MAN1B1: variants seen among roughly 807,000 people sequenced by gnomAD.
MAN1B1 encodes endoplasmic reticulum mannosyl-oligosaccharide 1,2-alpha-mannosidase.
Under a neutral mutation model 75.5 loss-of-function variants are expected in MAN1B1, and 66 were observed. The observed-to-expected ratio is 0.87, with a 90% confidence interval of 0.72 to 1.07. The LOEUF is 1.07. MAN1B1 is among the 50% of genes least tolerant of loss of function. The pLI is 0.00. For missense variants in MAN1B1, 973 were observed against 912.5 expected, an observed-to-expected ratio of 1.07 and a Z score of -0.85; for synonymous variants, 453 against 382.8, an observed-to-expected ratio of 1.18 and a Z score of -2.14.
At chr9:137,094,011 C>G (rs1830589535) in intron 3 of MAN1B1, among the ~76,000 whole-genome samples, 1 of 148,622 alleles carries the variant, frequency 6.7e-6, no homozygotes, top group Non-Finnish European at 1.5e-5. Context: ...TCATTGAACC[C>G]ATGGTGATTT....
chr9:137,088,745 T>G, intron 2 of MAN1B1, 124 bp from the exon 3 acceptor site: 1 of 1,043,066 alleles, frequency 9.6e-7, no homozygotes, highest in Non-Finnish European at 1.5e-6. Flanking sequence ...TTCATTTCAG[T>G]GACTATCAGG....
chr9:137,103,435 T>C (rs1588632583), intron 8 of MAN1B1: 2 of 424,214 alleles, frequency 4.7e-6, no homozygotes, highest in East Asian at 8.0e-5. Context: ...GGTGCAGGCA[T>C]GCAGGTCGGT....
chr9:137,099,770 T>C lies in MAN1B1; in HGVS notation c.805T>C (p.Trp269Arg), dbSNP rs757919672. 4.3e-6 allele frequency: 7 copies of C among 1,614,228 alleles called. No individual in the cohort carries two copies. The highest frequency in any genetic ancestry group is 5.9e-6 in the Non-Finnish European group (7 of 1,180,050). Residue 269 changes from tryptophan (W) to arginine (R), a missense_variant, in exon 6 of 13, where the codon TGG becomes CGG. Transcript: ENST00000371589. ...ATGGAAAGGATACCGCAAGTTTGCA[T>C]GGGGCCATGACGAGCTGAAGCCTGT... ...HAWKGYRKFA[W>R]GHDELKPVSR...
chr9:137,106,949 C>G, intron 10 of MAN1B1, 140 bp downstream of exon 10: 1 of 1,254,654 alleles, frequency 8.0e-7, no homozygotes, highest in South Asian at 1.5e-5. Context: ...GCTGCCTGGC[C>G]AGGCCTGTCT....
rs201251992 is a variant in MAN1B1, at chr9:137,108,484, C to T, written c.1993C>T (p.Leu665Phe). ...GGAGAGCTTCTTCCTGGGGGAGACG[C>T]TCAAGTATCTGTTCTTGCTCTTCTC... ...KMESFFLGET[L>F]KYLFLLFSDD... is the part of the protein sequence containing the mutation. The change falls in exon 13 of 13, where the codon CTC becomes TTC. Residue 665 changes from leucine (L) to phenylalanine (F), a missense_variant. By Grantham distance (22) the Leu-to-Phe change is conservative. Transcript: ENST00000371589. The T allele has an allele frequency of 1.9e-6, 3 of 1,614,018 alleles. No homozygotes were observed. Among genetic ancestry groups the T allele is most frequent in the Non-Finnish European group, 2.5e-6 (3 of 1,180,004 alleles).
At chr9:137,096,645 T>G (rs1830660429) in intron 4 of MAN1B1, among the ~76,000 whole-genome samples, 1 of 152,174 alleles carries the variant, frequency 6.6e-6, no homozygotes, top group African/African-American at 2.4e-5. Context: ...GTGTGAAGGG[T>G]GCACAGGTGC....
At chr9:137,099,969 C>T in intron 6 of MAN1B1, 88 bp downstream of exon 6, 1 of 1,458,682 alleles carries the variant, frequency 6.9e-7, no homozygotes, top group African/African-American at 1.4e-5. Flanking sequence ...GGGGTGAAAG[C>T]TGCTGTTTGC....
At position 137,101,089 on chromosome 9, in the gene MAN1B1, G is replaced by T; in HGVS notation, c.1001G>T (p.Arg334Leu). ...GTCAACCTGTTTGAGAGCACGATCCGCATCCTGGGGGGGCTCCTGAGTGCC... is the reference window on the plus strand; with the variant it reads ...GTCAACCTGTTTGAGAGCACGATCCTCATCCTGGGGGGGCTCCTGAGTGCC... The part of the protein sequence containing the change: ...VDVNLFESTI[R>L]ILGGLLSAYH... The change falls in exon 7 of 13, where the codon CGC (arginine) becomes CTC (leucine). Residue 334 changes from arginine to leucine, a missense_variant. Coordinates refer to ENST00000371589, the MANE Select transcript of MAN1B1 (RefSeq NM_016219.5). 6.2e-7 allele frequency: 1 copy of T among 1,614,112 alleles called. No homozygotes were observed. Among genetic ancestry groups the T allele is most frequent in the Non-Finnish European group, 8.5e-7 (1 of 1,180,016 alleles).
intron 12 of MAN1B1, 95 bp downstream of exon 12, chr9:137,107,757 C>A: frequency 6.3e-7 from 1 of 1,588,872 alleles, no homozygotes; most frequent in Non-Finnish European, 8.6e-7. Context: ...TTGGTGGTGG[C>A]TGTGACCTGG....
At chr9:137,098,065 C>T in intron 5 of MAN1B1, 128 bp downstream of exon 5, 1 of 707,060 alleles carries the variant, frequency 1.4e-6, no homozygotes, top group South Asian at 1.6e-5. Flanking sequence ...TCAGCATCCC[C>T]CTGTTGTCTG....
At chr9:137,101,904 G>T (rs763618343) in intron 8 of MAN1B1, 1 of 666,204 alleles carries the variant, frequency 1.5e-6, no homozygotes, top group East Asian at 2.9e-5. Flanking sequence ...CACTGTTGCA[G>T]GCGTGCAGGT....
rs563560349 is a variant in MAN1B1, at chr9:137,099,912, C to T, written c.916+31C>T. On this transcript the variant is annotated intron_variant, in intron 6 of 12. Coordinates refer to ENST00000371589, the MANE Select transcript of MAN1B1 (RefSeq NM_016219.5). ...TGGTGCTTTCTGGGGAGGGGCTGAGCCCTCCGTGTGGGCCTCGTGTGCTGA... is the reference window on the plus strand; with the variant it reads ...TGGTGCTTTCTGGGGAGGGGCTGAGTCCTCCGTGTGGGCCTCGTGTGCTGA... 4.7e-5 allele frequency: 76 copies of T among 1,613,064 alleles called. No individual in the cohort carries two copies. The East Asian group carries it at 1.4e-3, about 29-fold the overall frequency.
chr9:137,087,223 G>T lies in MAN1B1; in HGVS notation c.219+5G>T. The T allele has an allele frequency of 6.4e-7, 1 of 1,567,144 alleles. No homozygotes were observed. Among genetic ancestry groups the T allele is most frequent in the African/African-American group, 1.3e-5 (1 of 74,458 alleles). On this transcript the variant is annotated splice_donor_5th_base_variant and intron_variant, in intron 1 of 12. Transcript: ENST00000371589. The stretch of plus-strand genomic sequence containing the variant: ...CGGCGGCGCTCGTGCTGGAGGGTGA[G>T]GGTCGCGCCGGGCTGACTGGGGCCC...
chr9:137,108,785 G>A lies in MAN1B1; in HGVS notation c.*194G>A. The A allele has an allele frequency of 1.4e-6, 1 of 703,972 alleles. No homozygotes were observed. Among genetic ancestry groups the A allele is most frequent in the Non-Finnish European group, 2.6e-6 (1 of 387,660 alleles). 43.6% of individuals were successfully genotyped at this position (703,972 alleles called of 1,614,324 possible). ...GTGAGGCCGTCAGTCTTGGTGTGAT[G>A]CGGGGTGGGCTGGGCCGCTGGAGCC... On this transcript the variant is annotated 3_prime_UTR_variant, in exon 13 of 13. Transcript: ENST00000371589.
At chr9:137,102,734 G>C (rs976451429) in intron 8 of MAN1B1, 19 of 453,294 alleles carry the variant, frequency 4.2e-5, no homozygotes, top group South Asian at 1.6e-4. Flanking sequence ...TGTTGCAGGC[G>C]TGCAGGTCGG....
Position 137,106,317 on chromosome 9 carries a change from T to C in MAN1B1, c.1445+2T>C. 6.5e-7 allele frequency: 1 copy of C among 1,548,912 alleles called. No homozygotes were observed. The highest frequency in any genetic ancestry group is 8.7e-7 in the Non-Finnish European group (1 of 1,147,018). On this transcript the variant is annotated splice_donor_variant, in intron 9 of 12. Transcript: ENST00000371589. LOFTEE classifies it high-confidence loss of function. Reference sequence around the variant, plus strand: ...CCAGGGCGGGAAGCAGGAGACACAGTGAGGCCCGGCCCGCTGCCCCCAGCT... The same window carrying C: ...CCAGGGCGGGAAGCAGGAGACACAGCGAGGCCCGGCCCGCTGCCCCCAGCT...
chr9:137,097,729 G>A, intron 4 of MAN1B1, 99 bp from the exon 5 acceptor site: 1 of 915,836 alleles, frequency 1.1e-6, no homozygotes, highest in Non-Finnish European at 1.8e-6. Context: ...CGCTTTGGGT[G>A]CAGGGCTGTG....
rs1452391192 is a variant in MAN1B1 at position 137,090,795 on chromosome 9, C to G, written c.465+1790C>G. On this transcript the variant is annotated intron_variant, in intron 3 of 12. Transcript: ENST00000371589. Reference sequence around the variant, plus strand: ...CTCTTGATCTGCCCACCTCAGCCCCCCAAAGTGCTGGGATTACAGACATGA... The same window carrying G: ...CTCTTGATCTGCCCACCTCAGCCCCGCAAAGTGCTGGGATTACAGACATGA... 9.8e-5 allele frequency among the ~76,000 whole-genome samples: 15 copies of G among 152,302 alleles called. No homozygotes were observed. The South Asian group carries it at 1.9e-3, about 19-fold the overall frequency.
Position 137,101,632 on chromosome 9 carries a change from T to C in MAN1B1, c.1214T>C (p.Phe405Ser). The C allele has an allele frequency of 6.2e-7, 1 of 1,613,348 alleles. No homozygotes were observed. Among genetic ancestry groups the C allele is most frequent in the Non-Finnish European group, 8.5e-7 (1 of 1,179,670 alleles). The change falls in exon 8 of 13, where the codon TTC (phenylalanine) becomes TCC (serine). Residue 405 changes from phenylalanine (F) to serine (S), a missense_variant. Coordinates refer to ENST00000371589, the MANE Select transcript of MAN1B1 (RefSeq NM_016219.5). ...GAGGTGACCAGCATTCAGCTGGAGT[T>C]CCGGGAGCTCTCCCGTCTCACAGGG... Reference protein sequence around the residue: ...VAEVTSIQLEFRELSRLTGDK... With the variant: ...VAEVTSIQLESRELSRLTGDK...
Sources: gnomAD v4.1 joint callset for allele counts (sites outside exome capture counted in the v4.1 genomes callset) on GRCh38, gnomAD v4.1.1 for gene constraint, MANE v1.5 for transcripts, NCBI Gene and HGNC (gene_info 2026-07-23, HGNC 2026-07-21) for gene names.